Variants in FHOD3 observed in about 807,000 individuals in gnomAD.
The protein encoded by FHOD3 is formin homology 2 domain containing 3.
In FHOD3, 90 loss-of-function variants were observed where a neutral mutation model predicts 173.0. That is an observed-to-expected ratio of 0.52 (90% confidence interval 0.44 to 0.62). The LOEUF (loss-of-function observed/expected upper bound fraction) is 0.62. Among genes scored for constraint, FHOD3 ranks in the 20% least tolerant of loss-of-function variants. The probability of loss-of-function intolerance (pLI) is 0.00; values close to 1 mark genes in which losing one functional copy is unlikely to be tolerated. For missense variants in FHOD3, 1,945 were observed against 2,034.7 expected (o/e 0.96, Z 0.85); for synonymous variants, 828 against 823.0 (o/e 1.01, Z -0.10).
intron 14 of FHOD3, among the ~76,000 whole-genome samples, chr18:36,679,344 T>C (rs192878291): frequency 1.1e-3 from 174 of 152,194 alleles, no homozygotes; most frequent in African/African-American, 4.2e-3. Context: ...TTCACAATTA[T>C]AAACCAGCTT....
chr18:36,693,142 C>G, intron 16 of FHOD3, 67 bp from the exon 17 acceptor site: 1 of 1,459,040 alleles, frequency 6.9e-7, no homozygotes, highest in Non-Finnish European at 9.4e-7. Flanking sequence ...GTGTTTCATC[C>G]ATAAACAAGC....
chr18:36,620,041 G>T (rs1431634341), intron 9 of FHOD3, among the ~76,000 whole-genome samples: 2 of 152,194 alleles, frequency 1.3e-5, no homozygotes, highest in Admixed American at 6.5e-5. Context: ...CTGAAAGCAA[G>T]GTGATCCTCC....
chr18:36,679,278 G>A (rs2038077567), intron 14 of FHOD3, among the ~76,000 whole-genome samples: 1 of 151,892 alleles, frequency 6.6e-6, no homozygotes, highest in East Asian at 1.9e-4. Flanking sequence ...TCCTGAATAT[G>A]CTCATTTATG....
chr18:36,546,487 G>A (rs762094717), intron 5 of FHOD3, among the ~76,000 whole-genome samples: 12 of 152,106 alleles, frequency 7.9e-5, no homozygotes, highest in Non-Finnish European at 1.5e-4. Context: ...CTATCTTAGC[G>A]GCATATTAAT....
intron 16 of FHOD3, 80 bp downstream of exon 16, chr18:36,687,258 G>A (rs949094581): frequency 4.8e-6 from 5 of 1,047,068 alleles, no homozygotes; most frequent in African/African-American, 1.7e-5. Context: ...AGAGACTGTC[G>A]ATTAAAATAT....
chr18:36,531,450 C>G (rs1303115625), intron 5 of FHOD3, among the ~76,000 whole-genome samples: 3 of 152,196 alleles, frequency 2.0e-5, no homozygotes, highest in Non-Finnish European at 2.9e-5. Context: ...CCAAAACACT[C>G]TAGTGGTTGA....
chr18:36,554,292 G>T (rs985992503), intron 5 of FHOD3, among the ~76,000 whole-genome samples: 6 of 152,130 alleles, frequency 3.9e-5, no homozygotes, highest in African/African-American at 1.4e-4. Context: ...ATACACCATG[G>T]AATACTATGT....
chr18:36,444,491 G>C (rs1000773052), intron 3 of FHOD3, among the ~76,000 whole-genome samples: 5 of 152,180 alleles, frequency 3.3e-5, no homozygotes, highest in Non-Finnish European at 4.4e-5. Context: ...CCAGAGAAGT[G>C]TGAATTACTC....
chr18:36,369,865 G>A (rs908377510), intron 2 of FHOD3, among the ~76,000 whole-genome samples: 3 of 152,140 alleles, frequency 2.0e-5, no homozygotes, highest in African/African-American at 4.8e-5. Context: ...ATACAGTGAG[G>A]CAATTGTGCA....
At position 36,718,141 on chromosome 18, in the gene FHOD3, A is replaced by C. The variant is rs773593596; in HGVS notation, c.2843A>C (p.Asp948Ala). The C allele has an allele frequency of 1.2e-6, 2 of 1,607,200 alleles. No homozygotes were observed. The highest frequency in any genetic ancestry group is 3.4e-5 in the Admixed American group (2 of 59,480). ...TTTGCTGAGAAATTCAACAGTGGGG[A>C]CCTGGGGAGAGGTTCCATCTCCCCT... ...KAFAEKFNSGDLGRGSISPDA... is the reference protein window; with the variant it reads ...KAFAEKFNSGALGRGSISPDA... Residue 948 changes from aspartate to alanine, a missense_variant, in exon 19 of 29, where the codon GAC becomes GCC. Physicochemically the swap from Asp to Ala is moderately radical, Grantham distance 126. Coordinates refer to ENST00000590592, the MANE Select transcript of FHOD3 (RefSeq NM_001281740.3).
intron 3 of FHOD3, among the ~76,000 whole-genome samples, chr18:36,416,758 G>T (rs2146992835): frequency 6.6e-6 from 1 of 152,222 alleles, no homozygotes; most frequent in South Asian, 2.1e-4. Flanking sequence ...CTGAAATGCA[G>T]ATCTGATTGG....
At chr18:36,589,507 T>C (rs1258438209) in intron 6 of FHOD3, among the ~76,000 whole-genome samples, 3 of 152,206 alleles carry the variant, frequency 2.0e-5, no homozygotes, top group African/African-American at 7.2e-5. Flanking sequence ...AGCCTTGCTC[T>C]CATCTACAAT....
chr18:36,355,466 C>A, intron 1 of FHOD3, 73 bp from the exon 2 acceptor site: 2 of 1,230,662 alleles, frequency 1.6e-6, no homozygotes, highest in South Asian at 1.3e-5. Flanking sequence ...AGGAGGGCAA[C>A]ATGATGTGAT....
At chr18:36,357,718 T>C (rs1448472462) in intron 2 of FHOD3, among the ~76,000 whole-genome samples, 2 of 152,190 alleles carry the variant, frequency 1.3e-5, no homozygotes, top group South Asian at 2.1e-4. Flanking sequence ...ATATAAGTTG[T>C]CAGAATGCAG....
chr18:36,432,238 T>G (rs1361329458), intron 3 of FHOD3, among the ~76,000 whole-genome samples: 2 of 152,220 alleles, frequency 1.3e-5, no homozygotes, highest in Non-Finnish European at 2.9e-5. Context: ...ATTTAAAATC[T>G]ACTATACAAA....
intron 28 of FHOD3, among the ~76,000 whole-genome samples, chr18:36,769,687 A>G (rs866267206): frequency 5.3e-5 from 8 of 152,086 alleles, no homozygotes; most frequent in African/African-American, 1.9e-4. Context: ...CTTCCCAGGA[A>G]GGTATGAAAA....
intron 17 of FHOD3, among the ~76,000 whole-genome samples, chr18:36,698,520 T>C (rs923191875): frequency 6.6e-6 from 1 of 151,914 alleles, no homozygotes; most frequent in Non-Finnish European, 1.5e-5. Flanking sequence ...AACCCAGGAG[T>C]TCAAGGCTGC....
At chr18:36,418,415 A>G (rs185928706) in intron 3 of FHOD3, among the ~76,000 whole-genome samples, 3 of 152,238 alleles carry the variant, frequency 2.0e-5, no homozygotes, top group Non-Finnish European at 2.9e-5. Flanking sequence ...TTGCAAAAGC[A>G]ATTTGAAGAT....
chr18:36,763,220 A>G (rs1183639977), intron 27 of FHOD3, among the ~76,000 whole-genome samples: 1 of 147,258 alleles, frequency 6.8e-6, no homozygotes, highest in African/African-American at 2.5e-5. Context: ...TGTGTACTAT[A>G]CGTTATATAC....
Sources: allele counts gnomAD v4.1 joint callset (sites outside exome capture counted in the v4.1 genomes callset), GRCh38; gene constraint gnomAD v4.1.1; transcripts MANE v1.5; gene names NCBI Gene and HGNC (gene_info 2026-07-23, HGNC 2026-07-21).